Variants in NAALADL2 observed in about 807,000 individuals in gnomAD.
NAALADL2 encodes the protein N-acetylated alpha-linked acidic dipeptidase like 2.
A neutral mutation model predicts 87.2 loss-of-function variants in NAALADL2; 76 were observed. That is an observed-to-expected ratio of 0.87 (90% confidence interval 0.72 to 1.05). The LOEUF (loss-of-function observed/expected upper bound fraction) is 1.05, where lower values mean the gene tolerates loss of function less well. Among genes scored for constraint, NAALADL2 ranks in the 50% least tolerant of loss-of-function variants. The pLI, the probability that NAALADL2 is intolerant of heterozygous loss-of-function variation, is 0.00. For synonymous variants in NAALADL2, 354 were observed against 331.0 expected, an observed-to-expected ratio of 1.07 and a Z score of -0.75; for missense variants, 1,089 against 945.8, an observed-to-expected ratio of 1.15 and a Z score of -1.99.
chr3:175,584,044 T>TG (rs1720181197), intron 10 of NAALADL2, among the ~76,000 whole-genome samples: 1 of 152,024 alleles, frequency 6.6e-6, no homozygotes, highest in Admixed American at 6.5e-5. Flanking sequence ...CACTACTTTT[T>TG]TTTTTTTTTC....
intron 1 of NAALADL2, among the ~76,000 whole-genome samples, chr3:174,444,172 A>T (rs1714872860): frequency 6.6e-6 from 1 of 152,188 alleles, no homozygotes; most frequent in South Asian, 2.1e-4. Context: ...AATGCTGTTC[A>T]CGAGGAGGTG....
chr3:174,582,048 A>C (rs558020048), intron 2 of NAALADL2, among the ~76,000 whole-genome samples: 1 of 152,218 alleles, frequency 6.6e-6, no homozygotes, highest in Non-Finnish European at 1.5e-5. Flanking sequence ...GCTGAGATAG[A>C]TAGATAGTAA....
intron 4 of NAALADL2, among the ~76,000 whole-genome samples, chr3:175,295,413 C>T (rs969631326): frequency 5.9e-5 from 9 of 152,102 alleles, no homozygotes; most frequent in Non-Finnish European, 1.2e-4. Context: ...GTGTTTTTTT[C>T]CTCACTGACT....
chr3:175,652,005 A>G (rs967139468), intron 11 of NAALADL2, among the ~76,000 whole-genome samples: 15 of 152,204 alleles, frequency 9.9e-5, no homozygotes, highest in Non-Finnish European at 1.6e-4. Context: ...TTTTTTTATT[A>G]AAGTGCGTGG....
chr3:175,170,460 A>T (rs1251661866), intron 2 of NAALADL2, among the ~76,000 whole-genome samples: 2 of 146,798 alleles, frequency 1.4e-5, no homozygotes, highest in African/African-American at 4.9e-5. Flanking sequence ...AAATAAATAT[A>T]ATATATATAA....
chr3:174,559,496 C>T (rs576554996), intron 2 of NAALADL2, among the ~76,000 whole-genome samples: 18 of 152,176 alleles, frequency 1.2e-4, no homozygotes, highest in African/African-American at 3.6e-4. Context: ...GGCAGATTAT[C>T]GTGCAAGATG....
chr3:174,903,226 AT>A (rs1560344619), intron 1 of NAALADL2, among the ~76,000 whole-genome samples: 4 of 152,142 alleles, frequency 2.6e-5, no homozygotes, highest in Non-Finnish European at 1.5e-5. Context: ...ATTTGAATAC[AT>A]TAGATATTAG....
intron 1 of NAALADL2, among the ~76,000 whole-genome samples, chr3:175,049,451 A>G (rs1490929213): frequency 2.6e-5 from 4 of 152,182 alleles, no homozygotes; most frequent in Admixed American, 2.6e-4. Flanking sequence ...ATAGAGGCCT[A>G]AAAAATAGAC....
intron 1 of NAALADL2, among the ~76,000 whole-genome samples, chr3:174,954,174 A>C (rs1178765450): frequency 2.6e-5 from 4 of 152,072 alleles, no homozygotes; most frequent in African/African-American, 7.2e-5. Flanking sequence ...AATACTGACA[A>C]AACAAATCAA....
intron 1 of NAALADL2, among the ~76,000 whole-genome samples, chr3:174,984,944 A>G (rs572841099): frequency 1.3e-5 from 2 of 152,304 alleles, no homozygotes; most frequent in East Asian, 3.9e-4. Flanking sequence ...AAATATTTAG[A>G]TATGTGATTT....
chr3:175,588,600 A>G (rs540323215), intron 10 of NAALADL2, among the ~76,000 whole-genome samples: 9 of 130,042 alleles, frequency 6.9e-5, no homozygotes, highest in South Asian at 2.4e-4. Flanking sequence ...GTGCAGTGGC[A>G]CGATCTCGGC....
intron 1 of NAALADL2, among the ~76,000 whole-genome samples, chr3:175,018,111 T>C (rs1751087046): frequency 6.6e-6 from 1 of 152,118 alleles, no homozygotes; most frequent in East Asian, 1.9e-4. Context: ...TTGTAAATAC[T>C]GACTAAAGCT....
intron 10 of NAALADL2, among the ~76,000 whole-genome samples, chr3:175,599,717 A>C (rs911712983): frequency 3.9e-5 from 6 of 152,190 alleles, no homozygotes; most frequent in Non-Finnish European, 8.8e-5. Context: ...GAACATATAT[A>C]GCTTTACTCA....
At chr3:175,527,412 T>C (rs1231685816) in intron 9 of NAALADL2, among the ~76,000 whole-genome samples, 1 of 152,220 alleles carries the variant, frequency 6.6e-6, no homozygotes, top group East Asian at 1.9e-4. Flanking sequence ...TACGATAAAA[T>C]ACTTTTAGTT....
At chr3:175,302,346 T>A (rs1476620763) in intron 4 of NAALADL2, among the ~76,000 whole-genome samples, 1 of 152,196 alleles carries the variant, frequency 6.6e-6, no homozygotes, top group African/African-American at 2.4e-5. Context: ...CACTTTTAGA[T>A]CGTTATTATT....
chr3:174,762,090 TATTG>T (rs1300243453), intron 3 of NAALADL2, among the ~76,000 whole-genome samples: 2 of 151,904 alleles, frequency 1.3e-5, no homozygotes, highest in Admixed American at 1.3e-4. Flanking sequence ...GCTATATTGA[TATTG>T]ATTTTTTCTA....
chr3:175,206,876 A>G (rs2109222274), intron 2 of NAALADL2, among the ~76,000 whole-genome samples: 2 of 152,112 alleles, frequency 1.3e-5, no homozygotes, highest in South Asian at 4.2e-4. Context: ...TCTTTTTAAA[A>G]CCCAATAAAG....
intron 3 of NAALADL2, among the ~76,000 whole-genome samples, chr3:174,765,773 G>T (rs976010463): frequency 1.3e-5 from 2 of 152,120 alleles, no homozygotes; most frequent in Non-Finnish European, 2.9e-5. Context: ...GAAAGTGTTT[G>T]CATTATTTTT....
At chr3:174,508,693 A>G (rs1440843054) in intron 1 of NAALADL2, among the ~76,000 whole-genome samples, 1 of 152,036 alleles carries the variant, frequency 6.6e-6, no homozygotes, top group East Asian at 1.9e-4. Context: ...AGACTTGCAT[A>G]TATTTAAAAC....
Sources: gnomAD v4.1 joint callset for allele counts (sites outside exome capture counted in the v4.1 genomes callset) on GRCh38, gnomAD v4.1.1 for gene constraint, MANE v1.5 for transcripts, NCBI Gene and HGNC (gene_info 2026-07-23, HGNC 2026-07-21) for gene names.